The following AGBL1 variants were observed in gnomAD, a reference collection of about 807,000 sequenced individuals.
AGBL1 encodes the protein cytosolic carboxypeptidase 4.
A neutral mutation model predicts 118.9 loss-of-function variants in AGBL1; 130 were observed. That is an observed-to-expected ratio of 1.09 (90% confidence interval 0.95 to 1.26). The LOEUF is 1.26. AGBL1 is among the 50% of genes most tolerant of loss of function. AGBL1 has a pLI of 0.00. For synonymous variants in AGBL1, 555 were observed against 478.9 expected (o/e 1.16, Z -2.08); for missense variants, 1,584 against 1,298.1 (o/e 1.22, Z -3.38).
chr15:86,590,813 AT>A (rs1310800836), intron 21 of AGBL1, among the ~76,000 whole-genome samples: 2 of 152,194 alleles, frequency 1.3e-5, no homozygotes, highest in Admixed American at 1.3e-4. Context: ...AGCTACTTTT[AT>A]TTGCTGGCTC....
At chr15:86,499,970 C>A (rs1206830301) in intron 18 of AGBL1, among the ~76,000 whole-genome samples, 1 of 151,792 alleles carries the variant, frequency 6.6e-6, no homozygotes, top group African/African-American at 2.4e-5. Flanking sequence ...TACCTAGCAG[C>A]TTTACAGGTG....
chr15:86,327,208 C>G (rs1247013036), intron 17 of AGBL1, among the ~76,000 whole-genome samples: 1 of 151,896 alleles, frequency 6.6e-6, no homozygotes, highest in Non-Finnish European at 1.5e-5. Context: ...GCGGACTGAC[C>G]CAATGTGGAG....
chr15:86,725,148 A>G (rs1396587822), intron 22 of AGBL1, among the ~76,000 whole-genome samples: 1 of 152,258 alleles, frequency 6.6e-6, no homozygotes, highest in Non-Finnish European at 1.5e-5. Context: ...AAATGAATAA[A>G]TAATAGCTAT....
chr15:86,293,367 T>C (rs2079579004), intron 16 of AGBL1, among the ~76,000 whole-genome samples: 1 of 152,174 alleles, frequency 6.6e-6, no homozygotes, highest in Non-Finnish European at 1.5e-5. Context: ...GTGTGTTTCC[T>C]TTCCTTTTCC....
chr15:86,764,442 T>A (rs1358259153), intron 22 of AGBL1, among the ~76,000 whole-genome samples: 1 of 152,170 alleles, frequency 6.6e-6, no homozygotes, highest in South Asian at 2.1e-4. Context: ...GTGTGTCTAA[T>A]GCTCTGTGTG....
chr15:86,087,974 C>G (rs941205025), intron 1 of AGBL1: 4 of 152,452 alleles, frequency 2.6e-5, no homozygotes, highest in Middle Eastern at 3.4e-3. Flanking sequence ...AACAGGTGCC[C>G]AGAACAGGGA....
chr15:86,181,361 CA>C (rs1255089377), intron 5 of AGBL1, among the ~76,000 whole-genome samples: 1 of 151,976 alleles, frequency 6.6e-6, no homozygotes, highest in African/African-American at 2.4e-5. Context: ...ATATATGCTG[CA>C]ACATGAATAA....
intron 17 of AGBL1, among the ~76,000 whole-genome samples, chr15:86,305,943 A>G (rs1165335176): frequency 6.6e-6 from 1 of 152,196 alleles, no homozygotes; most frequent in Non-Finnish European, 1.5e-5. Flanking sequence ...TCCATGGCTC[A>G]GTCAACAATT....
chr15:86,460,151 T>G (rs1353644110), intron 18 of AGBL1, among the ~76,000 whole-genome samples: 1 of 151,688 alleles, frequency 6.6e-6, no homozygotes, highest in East Asian at 1.9e-4. Context: ...TTGCAGCTAC[T>G]TAGATGTCAA....
intron 22 of AGBL1, among the ~76,000 whole-genome samples, chr15:86,775,790 A>T (rs986245840): frequency 3.9e-5 from 6 of 152,156 alleles, no homozygotes; most frequent in African/African-American, 1.4e-4. Context: ...TTTCAAACAC[A>T]TAAAAACATT....
At chr15:86,123,544 A>T (rs1473183169) in intron 1 of AGBL1, among the ~76,000 whole-genome samples, 1 of 152,008 alleles carries the variant, frequency 6.6e-6, no homozygotes, top group Non-Finnish European at 1.5e-5. Flanking sequence ...CCACCCCGGG[A>T]CCCCTTTGTC....
chr15:86,547,227 T>C (rs1301951164), intron 20 of AGBL1, among the ~76,000 whole-genome samples: 1 of 152,168 alleles, frequency 6.6e-6, no homozygotes, highest in Non-Finnish European at 1.5e-5. Context: ...ACTAGTTTAG[T>C]AAATTAAAGC....
At chr15:86,223,811 A>G (rs1337480316) in intron 5 of AGBL1, among the ~76,000 whole-genome samples, 1 of 152,016 alleles carries the variant, frequency 6.6e-6, no homozygotes, top group Admixed American at 6.6e-5. Flanking sequence ...ATTTTACTTT[A>G]TATTTATTCT....
chr15:86,391,689 A>T (rs368763358), intron 17 of AGBL1, among the ~76,000 whole-genome samples: 1 of 129,854 alleles, frequency 7.7e-6, no homozygotes, highest in African/African-American at 3.0e-5. Context: ...AGCATACAAG[A>T]TTGTTCCCAA....
At chr15:86,111,793 A>C (rs1368615248) in intron 1 of AGBL1, among the ~76,000 whole-genome samples, 2 of 152,216 alleles carry the variant, frequency 1.3e-5, no homozygotes, top group Non-Finnish European at 2.9e-5. Flanking sequence ...AGACCATGTT[A>C]GGAACCAGGC....
intron 7 of AGBL1, among the ~76,000 whole-genome samples, chr15:86,250,990 CA>C (rs1302740448): frequency 3.9e-5 from 6 of 152,128 alleles, no homozygotes; most frequent in African/African-American, 7.2e-5. Flanking sequence ...GAAGCAGCAG[CA>C]GCAGAGGGAG....
intron 6 of AGBL1, 68 bp downstream of exon 6, chr15:86,225,019 C>G (rs965777654): frequency 2.7e-6 from 4 of 1,468,576 alleles, no homozygotes; most frequent in Non-Finnish European, 3.7e-6. Context: ...ACTTTCTGGT[C>G]CCCATGGCTG....
At chr15:86,598,350 C>T (rs565858966) in intron 21 of AGBL1, among the ~76,000 whole-genome samples, 107 of 152,216 alleles carry the variant, frequency 7.0e-4, no homozygotes, top group African/African-American at 2.4e-3. Context: ...GACCCAAGAA[C>T]GCCAATTGCC....
intron 5 of AGBL1, among the ~76,000 whole-genome samples, chr15:86,213,535 T>A (rs1383371382): frequency 6.6e-6 from 1 of 151,874 alleles, no homozygotes; most frequent in African/African-American, 2.4e-5. Context: ...TTCCAAGGAG[T>A]CTGAGGCACA....
Sources: allele counts gnomAD v4.1 joint callset (sites outside exome capture counted in the v4.1 genomes callset), GRCh38; gene constraint gnomAD v4.1.1; transcripts MANE v1.5; gene names NCBI Gene and HGNC (gene_info 2026-07-23, HGNC 2026-07-21).